Variants in CD81 observed in about 807,000 individuals in gnomAD.
CD81 encodes CD81 molecule, also known as CD81 antigen.
In CD81, 10 loss-of-function variants were observed where a neutral mutation model predicts 30.1. That is an observed-to-expected ratio of 0.33 (90% CI 0.21 to 0.56). The LOEUF is 0.56. Ranked by LOEUF, CD81 falls within the 20% of genes least tolerant of loss-of-function variation. The pLI, the probability that CD81 is intolerant of heterozygous loss-of-function variation, is 0.89. For synonymous variants in CD81, 147 were observed against 126.4 expected (o/e 1.16, Z -1.10); for missense variants, 263 against 308.7 (o/e 0.85, Z 1.11).
chr11:2,381,411 C>T (rs1298379536), intron 1 of CD81, among the ~76,000 whole-genome samples: 1 of 152,242 alleles, frequency 6.6e-6, no homozygotes, highest in African/African-American at 2.4e-5. Flanking sequence ...GGTCCTTCTC[C>T]TGCACCCACC....
chr11:2,381,321 G>A (rs944808764), intron 1 of CD81, among the ~76,000 whole-genome samples: 4 of 152,086 alleles, frequency 2.6e-5, no homozygotes, highest in East Asian at 1.9e-4. Context: ...TGGCTCTGCC[G>A]GGTGCTGACA....
intron 1 of CD81, among the ~76,000 whole-genome samples, chr11:2,387,299 C>T (rs1401609540): frequency 6.6e-6 from 1 of 152,228 alleles, no homozygotes; most frequent in Non-Finnish European, 1.5e-5. Context: ...CAGGGTTTGT[C>T]ACCAGGCCTC....
intron 1 of CD81, among the ~76,000 whole-genome samples, chr11:2,383,076 A>G (rs1273452508): frequency 6.6e-6 from 1 of 152,170 alleles, no homozygotes; most frequent in Non-Finnish European, 1.5e-5. Context: ...GACTCCTCAC[A>G]TCCCCCAGCT....
Position 2,377,688 on chromosome 11 carries a change from C to T in CD81, c.66+73C>T, listed in dbSNP as rs1223724911. On this transcript the variant is annotated intron_variant, in intron 1 of 7. Coordinates refer to ENST00000263645, the MANE Select transcript of CD81 (RefSeq NM_004356.4). This position sits in a 1 kb window ranked among gnomAD's most constrained non-coding sequence, Gnocchi z 7.7. ...CCACGTTGGGCAGGTCCCGCGGCAG[C>T]GTGCTAGGCCCCGCGGGCGCAGCGC... 3.9e-6 allele frequency: 4 copies of T among 1,013,290 alleles called. No homozygotes were observed. Among genetic ancestry groups the T allele is most frequent in the South Asian group, 3.2e-5 (2 of 62,120 alleles). The allele number at this position is 1,013,290 out of a possible 1,614,324, so 62.8% of individuals were successfully genotyped here.
Position 2,394,986 on chromosome 11 carries a change from G to C in CD81, c.294G>C (p.Leu98=). 6.2e-7 allele frequency: 1 copy of C among 1,612,812 alleles called. No individual in the cohort carries two copies. Among genetic ancestry groups the C allele is most frequent in the South Asian group, 1.1e-5 (1 of 91,062 alleles). ...QCLLGTFFTC[L]VILFACEVAA... is the part of the protein sequence containing the mutation. ...CCCGGCTCCAGTTCTTCACCTGCCT[G>C]GTCATCCTGTTTGCCTGTGAGGTGG... is the stretch of plus-strand genomic sequence containing the variant. The change falls in exon 4 of 8, where the codon CTG becomes CTC. Residue 98 remains leucine, a synonymous_variant. Transcript: ENST00000263645.
intron 1 of CD81, among the ~76,000 whole-genome samples, chr11:2,387,955 G>A (rs113761931): frequency 9.2e-5 from 14 of 152,346 alleles, no homozygotes; most frequent in African/African-American, 3.4e-4. Context: ...CGGGTGTGTG[G>A]AGAAGGTGCT....
At position 2,395,659 on chromosome 11, in the gene CD81, A is replaced by T. The variant is rs567458567; in HGVS notation, c.459+139A>T. On this transcript the variant is annotated intron_variant, in intron 5 of 7. Transcript: ENST00000263645. Reference sequence around the variant, plus strand: ...GGGACCTCCAGGACCCCTGGTCTCAACTGGTCCTCGGGTGGGAACCTAGTG... The same window carrying T: ...GGGACCTCCAGGACCCCTGGTCTCATCTGGTCCTCGGGTGGGAACCTAGTG... 1.3e-5 allele frequency: 10 copies of T among 786,044 alleles called. No individual in the cohort carries two copies. In the East Asian group the frequency reaches 2.7e-4, roughly 21 times the overall value. The allele number at this position is 786,044 out of a possible 1,614,324, so 48.7% of individuals were successfully genotyped here.
intron 1 of CD81, chr11:2,386,219 T>C (rs966315332): frequency 1.7e-5 from 12 of 702,264 alleles, no homozygotes; most frequent in South Asian, 1.5e-4. Context: ...GGTCTGTTCC[T>C]GTTTTTTGCC....
chr11:2,395,382 T>G, intron 4 of CD81, 34 bp from the exon 5 acceptor site: 1 of 1,532,658 alleles, frequency 6.5e-7, no homozygotes, highest in East Asian at 2.3e-5. Context: ...AGGGGGAGGT[T>G]CCCCCTGTGC....
chr11:2,377,607 G>A lies in CD81; in HGVS notation c.58G>A (p.Val20Ile). The change falls in exon 1 of 8, where the codon GTC becomes ATC. Residue 20 changes from valine (V) to isoleucine (I), a missense_variant. Physicochemically the swap from Val to Ile is conservative, Grantham distance 29. This residue lies in a region of CD81 where 84 missense variants were observed against 98.2 expected (regional missense o/e 0.86). Transcript: ENST00000263645. The surrounding 1 kb of genome is among the most constrained non-coding windows in gnomAD (Gnocchi z 7.7). The part of the protein sequence containing the change: ...IKYLLFVFNF[V>I]FWLAGGVILG... ...GTACCTGCTCTTCGTCTTCAATTTC[G>A]TCTTCTGGGTAAGGGCTGCGCCGGG... The A allele has an allele frequency of 6.5e-7, 1 of 1,544,064 alleles. No individual in the cohort carries two copies.
At chr11:2,384,318 C>CGG (rs921348859) in intron 1 of CD81, among the ~76,000 whole-genome samples, 2 of 49,108 alleles carry the variant, frequency 4.1e-5, no homozygotes, top group Non-Finnish European at 3.8e-5. Flanking sequence ...CCTTGGGAGG[C>CGG]GGGGTGTCTC....
At chr11:2,386,054 C>T in intron 1 of CD81, 3 of 717,358 alleles carry the variant, frequency 4.2e-6, no homozygotes, top group Non-Finnish European at 7.8e-6. Context: ...GTTGCCTCCC[C>T]CAGCAGCATG....
intron 1 of CD81, chr11:2,379,324 G>A (rs1410893507): frequency 2.4e-6 from 1 of 408,276 alleles, no homozygotes; most frequent in African/African-American, 2.2e-5. Flanking sequence ...GGGGGTAGTA[G>A]GGGCTGAGGG....
rs758070892 is a variant in CD81, at chr11:2,394,112, G to A, written c.199G>A (p.Ala67Thr). 5 of 1,613,136 alleles carry A rather than the reference G, an allele frequency of 3.1e-6. No homozygotes were observed. The highest frequency in any genetic ancestry group is 3.3e-5 in the Admixed American group (2 of 60,010). The change falls in exon 3 of 8, where the codon GCT becomes ACT. Residue 67 changes from alanine to threonine, a missense_variant. By Grantham distance (58) the Ala-to-Thr change is moderately conservative. Around this residue, in one of 3 missense-constraint regions of CD81, gnomAD observed 84 missense variants for 98.2 expected, o/e 0.86. Coordinates refer to ENST00000263645, the MANE Select transcript of CD81 (RefSeq NM_004356.4). The stretch of plus-strand genomic sequence containing the variant: ...CCCGCAAGGCATCTACATCCTCATC[G>A]CTGTGGGCGCTGTCATGATGTTCGT... ...TFYVGIYILIAVGAVMMFVGF... is the reference protein window; with the variant it reads ...TFYVGIYILITVGAVMMFVGF...
chr11:2,395,647 C>T, intron 5 of CD81, 127 bp downstream of exon 5: 5 of 821,396 alleles, frequency 6.1e-6, no homozygotes, highest in Non-Finnish European at 1.0e-5. Context: ...ACCTCCAGGA[C>T]CCCTGGTCTC....
intron 1 of CD81, among the ~76,000 whole-genome samples, chr11:2,383,190 C>G (rs1376801402): frequency 6.6e-6 from 1 of 152,226 alleles, no homozygotes; most frequent in Non-Finnish European, 1.5e-5. Flanking sequence ...CTTCCGCTTC[C>G]TGGCCTAGGA....
At chr11:2,388,736 C>T (rs192290435) in intron 1 of CD81, among the ~76,000 whole-genome samples, 1 of 152,156 alleles carries the variant, frequency 6.6e-6, no homozygotes, top group Non-Finnish European at 1.5e-5. Flanking sequence ...CTCGTGGCCC[C>T]CCCCGGGTGC....
intron 1 of CD81, among the ~76,000 whole-genome samples, chr11:2,380,790 T>C (rs985065673): frequency 2.6e-5 from 4 of 152,138 alleles, no homozygotes; most frequent in Non-Finnish European, 5.9e-5. Flanking sequence ...AAGAGTCTTC[T>C]CCTCGGGGGC....
chr11:2,379,070 G>T, intron 1 of CD81: 1 of 440,664 alleles, frequency 2.3e-6, no homozygotes, highest in Non-Finnish European at 4.6e-6. Flanking sequence ...CATTTGGGAG[G>T]GGCTCGCCTT....
Sources: allele counts gnomAD v4.1 joint callset (sites outside exome capture counted in the v4.1 genomes callset), GRCh38; gene constraint gnomAD v4.1.1; regional missense constraint gnomAD v4.1.1; non-coding constraint Gnocchi (gnomAD v3.1); transcripts MANE v1.5; gene names NCBI Gene and HGNC (gene_info 2026-07-23, HGNC 2026-07-21).